Variants in COL14A1 observed in about 807,000 individuals in gnomAD.
COL14A1 encodes collagen alpha-1(XIV) chain.
In COL14A1, 136 loss-of-function variants were observed where a neutral mutation model predicts 230.3. The observed-to-expected ratio is 0.59, with a 90% CI of 0.51 to 0.68. The LOEUF (loss-of-function observed/expected upper bound fraction) is 0.68. Among genes scored for constraint, COL14A1 ranks in the 30% least tolerant of loss-of-function variants. The probability of loss-of-function intolerance (pLI) is 0.00; values close to 1 mark genes in which losing one functional copy is unlikely to be tolerated. For missense variants in COL14A1, 1,976 were observed against 2,215.8 expected, an observed-to-expected ratio of 0.89 and a Z score of 2.17; for synonymous variants, 792 against 784.1, an observed-to-expected ratio of 1.01 and a Z score of -0.17.
chr8:120,351,922 A>G (rs1393549868), intron 45 of COL14A1, among the ~76,000 whole-genome samples: 1 of 101,068 alleles, frequency 9.9e-6, no homozygotes, highest in Admixed American at 1.0e-4. Context: ...AAAGCCGGGC[A>G]GAGACACAAC....
intron 25 of COL14A1, among the ~76,000 whole-genome samples, chr8:120,268,844 G>A (rs908335830): frequency 6.6e-6 from 1 of 151,736 alleles, no homozygotes; most frequent in South Asian, 2.1e-4. Context: ...CATTTTGAAA[G>A]TGAAACCTAA....
At chr8:120,307,927 C>A (rs1314554399) in intron 36 of COL14A1, among the ~76,000 whole-genome samples, 1 of 152,176 alleles carries the variant, frequency 6.6e-6, no homozygotes, top group Non-Finnish European at 1.5e-5. Context: ...GAAATACTAA[C>A]AGTTTCACTT....
At chr8:120,270,682 A>G (rs1467999690) in intron 26 of COL14A1, among the ~76,000 whole-genome samples, 1 of 151,660 alleles carries the variant, frequency 6.6e-6, no homozygotes, top group African/African-American at 2.4e-5. Context: ...AGGACAGAAG[A>G]CATACCAGTC....
chr8:120,218,858 T>C (rs973376654), intron 14 of COL14A1, among the ~76,000 whole-genome samples: 5 of 152,124 alleles, frequency 3.3e-5, no homozygotes, highest in Admixed American at 6.6e-5. Flanking sequence ...CCTGGAGAGA[T>C]ACCAGTGATT....
At chr8:120,187,676 C>T (rs975873538) in intron 5 of COL14A1, among the ~76,000 whole-genome samples, 3 of 152,144 alleles carry the variant, frequency 2.0e-5, no homozygotes, top group Admixed American at 6.5e-5. Context: ...TTCACATGGG[C>T]AACTTCACTA....
chr8:120,275,328 A>C (rs1415716768), intron 26 of COL14A1, among the ~76,000 whole-genome samples: 1 of 151,992 alleles, frequency 6.6e-6, no homozygotes, highest in Non-Finnish European at 1.5e-5. Context: ...CTCACCTTAT[A>C]CAAAAATCAA....
intron 39 of COL14A1, 48 bp downstream of exon 39, chr8:120,315,634 C>A: frequency 1.4e-6 from 2 of 1,480,686 alleles, no homozygotes; most frequent in Non-Finnish European, 1.9e-6. Context: ...TACAACTTTG[C>A]CAAGGGGGAA....
chr8:120,161,136 G>C (rs890693094), intron 3 of COL14A1, among the ~76,000 whole-genome samples: 1 of 152,146 alleles, frequency 6.6e-6, no homozygotes, highest in Non-Finnish European at 1.5e-5. Flanking sequence ...TTTGGCAAGA[G>C]AAAGACTCCA....
chr8:120,219,195 C>T (rs888695643), intron 14 of COL14A1, among the ~76,000 whole-genome samples: 5 of 152,072 alleles, frequency 3.3e-5, no homozygotes, highest in Non-Finnish European at 1.5e-5. Flanking sequence ...TGGCTCACTG[C>T]ATCCTCGACC....
At chr8:120,141,002 CAA>C (rs1220166056) in intron 1 of COL14A1, among the ~76,000 whole-genome samples, 2 of 152,128 alleles carry the variant, frequency 1.3e-5, no homozygotes, top group Non-Finnish European at 2.9e-5. Context: ...CGTTTTTAAA[CAA>C]GAGCAAAAAA....
intron 44 of COL14A1, among the ~76,000 whole-genome samples, 165 bp from the exon 45 acceptor site, chr8:120,345,210 G>A (rs947460098): frequency 1.3e-5 from 2 of 152,060 alleles, no homozygotes; most frequent in Non-Finnish European, 2.9e-5. Flanking sequence ...AGAGTAAAAC[G>A]TAAAAAAATG....
intron 28 of COL14A1, 32 bp from the exon 29 acceptor site, chr8:120,279,897 TTTAAAG>T (rs1819984183): frequency 5.6e-6 from 9 of 1,605,056 alleles, no homozygotes; most frequent in Non-Finnish European, 7.7e-6. Context: ...TTTTGTACAA[TTTAAAG>T]TAATCGGAAA....
chr8:120,298,390 T>A (rs543405229), intron 35 of COL14A1, among the ~76,000 whole-genome samples: 58 of 151,602 alleles, frequency 3.8e-4, no homozygotes, highest in African/African-American at 1.4e-3. Flanking sequence ...GTAGTCATAA[T>A]CTACATAACC....
chr8:120,264,121 T>C (rs958220193), intron 24 of COL14A1, among the ~76,000 whole-genome samples: 1 of 152,158 alleles, frequency 6.6e-6, no homozygotes, highest in Non-Finnish European at 1.5e-5. Context: ...TTGAAGTCGA[T>C]CTCCTTTCCC....
chr8:120,274,250 C>T (rs1819771229), intron 26 of COL14A1, among the ~76,000 whole-genome samples: 1 of 151,478 alleles, frequency 6.6e-6, no homozygotes, highest in Admixed American at 6.6e-5. Flanking sequence ...CTCATAGATG[C>T]AGAAAGCATT....
At chr8:120,255,181 T>A in intron 22 of COL14A1, 59 bp from the exon 23 acceptor site, 1 of 1,352,780 alleles carries the variant, frequency 7.4e-7, no homozygotes, top group Non-Finnish European at 1.1e-6. Context: ...AATTTCAGAT[T>A]CAGGGATGCT....
chr8:120,300,637 A>G, intron 35 of COL14A1, 95 bp from the exon 36 acceptor site: 1 of 943,802 alleles, frequency 1.1e-6, no homozygotes, highest in South Asian at 1.5e-5. Flanking sequence ...TTGAAAATCT[A>G]AAAATATCTT....
intron 5 of COL14A1, among the ~76,000 whole-genome samples, chr8:120,196,163 G>T (rs1010847883): frequency 6.6e-6 from 1 of 152,114 alleles, no homozygotes; most frequent in Non-Finnish European, 1.5e-5. Flanking sequence ...TGATCTTTAG[G>T]AGCAAAATTT....
intron 45 of COL14A1, among the ~76,000 whole-genome samples, chr8:120,359,619 A>G: frequency 6.6e-6 from 1 of 152,224 alleles, no homozygotes; most frequent in East Asian, 1.9e-4. Context: ...AATAGTGGAA[A>G]TAATATAATA....
Sources: gnomAD v4.1 joint callset for allele counts (sites outside exome capture counted in the v4.1 genomes callset) on GRCh38, gnomAD v4.1.1 for gene constraint, MANE v1.5 for transcripts, NCBI Gene and HGNC (gene_info 2026-07-23, HGNC 2026-07-21) for gene names.